RSU1: variants seen among roughly 807,000 people sequenced by gnomAD.
The protein encoded by RSU1 is rsu-1.
In RSU1, 26 loss-of-function variants were observed where a neutral mutation model predicts 31.1. The ratio of observed to expected loss-of-function variants is 0.84; its 90% CI spans 0.61 to 1.16. The LOEUF is 1.16. RSU1 is among the 50% of genes most tolerant of loss of function. The pLI, the probability that RSU1 is intolerant of heterozygous loss-of-function variation, is 0.00. For missense variants in RSU1, 320 were observed against 339.1 expected, an observed-to-expected ratio of 0.94 and a Z score of 0.44; for synonymous variants, 164 against 136.3, an observed-to-expected ratio of 1.20 and a Z score of -1.41.
At chr10:16,810,814 G>A (rs1175470234) in intron 2 of RSU1, among the ~76,000 whole-genome samples, 1 of 152,124 alleles carries the variant, frequency 6.6e-6, no homozygotes, top group Admixed American at 6.5e-5. Context: ...TTGAGTCCAG[G>A]AGTTCAACAC....
intron 8 of RSU1, among the ~76,000 whole-genome samples, chr10:16,670,830 T>G (rs909714308): frequency 3.3e-5 from 5 of 152,098 alleles, no homozygotes; most frequent in Non-Finnish European, 7.4e-5. Flanking sequence ...AACGGCACAA[T>G]CTTGACTCAC....
At chr10:16,781,616 A>C (rs934891802) in intron 3 of RSU1, among the ~76,000 whole-genome samples, 1 of 152,200 alleles carries the variant, frequency 6.6e-6, no homozygotes, top group Non-Finnish European at 1.5e-5. Context: ...TCAGCATAGC[A>C]TTTACTATCT....
chr10:16,629,047 G>A (rs186128249), intron 8 of RSU1, among the ~76,000 whole-genome samples: 42 of 152,120 alleles, frequency 2.8e-4, no homozygotes, highest in Non-Finnish European at 4.9e-4. Flanking sequence ...TATCAACACC[G>A]CTGCCATGGA....
chr10:16,795,507 C>G (rs1403427271), intron 2 of RSU1, among the ~76,000 whole-genome samples: 9 of 152,254 alleles, frequency 5.9e-5, no homozygotes, highest in African/African-American at 2.2e-4. Flanking sequence ...CAATAGTAGT[C>G]TCTTCTTCCC....
chr10:16,735,390 G>A (rs907776871), intron 7 of RSU1, among the ~76,000 whole-genome samples: 1 of 152,204 alleles, frequency 6.6e-6, no homozygotes, highest in Non-Finnish European at 1.5e-5. Context: ...ACCTCTGGCG[G>A]TTGTGTAAAT....
intron 4 of RSU1, among the ~76,000 whole-genome samples, chr10:16,758,361 G>A (rs777584272): frequency 2.0e-5 from 3 of 152,240 alleles, no homozygotes; most frequent in Non-Finnish European, 2.9e-5. Flanking sequence ...CCTCCAGCAG[G>A]TGCTAACATC....
chr10:16,697,713 A>C (rs1183637029), intron 7 of RSU1, among the ~76,000 whole-genome samples: 1 of 152,106 alleles, frequency 6.6e-6, no homozygotes, highest in Non-Finnish European at 1.5e-5. Flanking sequence ...GTAGATGAAA[A>C]AAAAGCAGCA....
intron 7 of RSU1, among the ~76,000 whole-genome samples, chr10:16,730,862 C>T (rs1000630718): frequency 2.0e-5 from 3 of 152,110 alleles, no homozygotes; most frequent in Admixed American, 1.3e-4. Context: ...CTCACTCTGT[C>T]GCCCAGACTG....
chr10:16,725,121 T>C (rs950577366), intron 7 of RSU1, among the ~76,000 whole-genome samples: 1 of 152,248 alleles, frequency 6.6e-6, no homozygotes, highest in Non-Finnish European at 1.5e-5. Flanking sequence ...TGTTGATCAT[T>C]CGCTGAACTA....
At chr10:16,685,084 C>A (rs948942331) in intron 8 of RSU1, among the ~76,000 whole-genome samples, 4 of 152,062 alleles carry the variant, frequency 2.6e-5, no homozygotes, top group Admixed American at 2.6e-4. Flanking sequence ...CCCATCTCTA[C>A]TAAAAACACA....
intron 8 of RSU1, among the ~76,000 whole-genome samples, chr10:16,613,667 G>C (rs1218148046): frequency 6.6e-6 from 1 of 152,124 alleles, no homozygotes; most frequent in Non-Finnish European, 1.5e-5. Context: ...GGGAAATCTA[G>C]CTCAATGAAC....
At chr10:16,772,393 C>G (rs59646480) in intron 3 of RSU1, among the ~76,000 whole-genome samples, 7 of 152,246 alleles carry the variant, frequency 4.6e-5, no homozygotes, top group African/African-American at 1.4e-4. Context: ...CGTATGAACT[C>G]TGAAATCTTG....
intron 8 of RSU1, among the ~76,000 whole-genome samples, chr10:16,635,398 C>T (rs552040715): frequency 6.6e-6 from 1 of 152,342 alleles, no homozygotes; most frequent in East Asian, 1.9e-4. Flanking sequence ...TCCCTCTCAG[C>T]TAGCTGATAA....
chr10:16,690,759 C>T (rs1291267401), intron 8 of RSU1, among the ~76,000 whole-genome samples: 2 of 152,058 alleles, frequency 1.3e-5, no homozygotes, highest in Non-Finnish European at 2.9e-5. Context: ...GAAAAGAAAA[C>T]ATTCCGGTAA....
At chr10:16,813,071 C>A (rs4612698) in intron 2 of RSU1, among the ~76,000 whole-genome samples, 29,865 of 151,390 alleles carry the variant, frequency 0.2, 3,336 homozygotes, top group African/African-American at 0.31. Flanking sequence ...TCCTGGGTTC[C>A]AGCAATCCTC....
intron 7 of RSU1, among the ~76,000 whole-genome samples, chr10:16,699,012 G>T (rs1471959622): frequency 6.6e-6 from 1 of 152,106 alleles, no homozygotes; most frequent in Non-Finnish European, 1.5e-5. Flanking sequence ...AATGATTAGG[G>T]TTCCCTGGGG....
intron 8 of RSU1, among the ~76,000 whole-genome samples, chr10:16,690,015 T>G (rs1258139475): frequency 1.3e-5 from 2 of 152,228 alleles, no homozygotes; most frequent in African/African-American, 2.4e-5. Context: ...AGAGTTAACT[T>G]GTCAGCTTTT....
chr10:16,610,754 A>T (rs1334695303), intron 8 of RSU1, among the ~76,000 whole-genome samples: 1 of 152,176 alleles, frequency 6.6e-6, no homozygotes, highest in Non-Finnish European at 1.5e-5. Context: ...AGTGCTTGAC[A>T]CATCCCAAAA....
chr10:16,690,429 C>T (rs548326726), intron 8 of RSU1, among the ~76,000 whole-genome samples: 1 of 152,112 alleles, frequency 6.6e-6, no homozygotes, highest in Non-Finnish European at 1.5e-5. Context: ...CCACCTGAGA[C>T]ATGATGAAGG....
Sources: allele counts gnomAD v4.1 joint callset (sites outside exome capture counted in the v4.1 genomes callset), GRCh38; gene constraint gnomAD v4.1.1; transcripts MANE v1.5; gene names NCBI Gene and HGNC (gene_info 2026-07-23, HGNC 2026-07-21).